Variants in PTPRK observed in about 807,000 individuals in gnomAD.
PTPRK encodes the protein receptor-type tyrosine-protein phosphatase kappa.
Under a neutral mutation model 178.0 loss-of-function variants are expected in PTPRK, and 75 were observed. The ratio of observed to expected loss-of-function variants is 0.42; its 90% CI spans 0.35 to 0.51. PTPRK has a LOEUF of 0.51. Among genes scored for constraint, PTPRK ranks in the 20% least tolerant of loss-of-function variants. PTPRK has a pLI of 0.02. For synonymous variants in PTPRK, 637 were observed against 620.6 expected, an observed-to-expected ratio of 1.03 and a Z score of -0.39; for missense variants, 1,441 against 1,797.8, an observed-to-expected ratio of 0.80 and a Z score of 3.59.
intron 13 of PTPRK, among the ~76,000 whole-genome samples, chr6:128,047,986 T>A (rs919291431): frequency 6.6e-6 from 1 of 152,148 alleles, no homozygotes; most frequent in Non-Finnish European, 1.5e-5. Context: ...GATAAAACAA[T>A]GCCCCTAGGT....
At position 128,064,737 on chromosome 6, in the gene PTPRK, C is replaced by CA. The variant is rs752427078; in HGVS notation, c.2194+20dup. ...AGGGGGTGAGAGTAGTTAAAACAAG[C>CA]AAAAAAAGCAAACCTCTTACCTTTT... On this transcript the variant is annotated intron_variant, in intron 13 of 29. Coordinates refer to ENST00000368226, the MANE Select transcript of PTPRK (RefSeq NM_002844.4). The CA allele has an allele frequency of 7.6e-6, 12 of 1,575,036 alleles. No individual in the cohort carries two copies. In the African/African-American group the frequency reaches 9.7e-5, roughly 13 times the overall value.
intron 6 of PTPRK, among the ~76,000 whole-genome samples, chr6:128,195,879 G>A (rs1181379764): frequency 1.3e-5 from 2 of 151,996 alleles, no homozygotes; most frequent in Non-Finnish European, 2.9e-5. Flanking sequence ...TTTATTCAGG[G>A]ACATCAAATG....
chr6:128,322,186 T>C lies in PTPRK; in HGVS notation c.348A>G (p.Lys116=), dbSNP rs775665092. 4 of 1,613,840 alleles carry C rather than the reference T, an allele frequency of 2.5e-6. No individual in the cohort carries two copies. Among genetic ancestry groups the C allele is most frequent in the East Asian group, 2.2e-5 (1 of 44,884 alleles). Residue 116 remains lysine (K), a synonymous_variant, in exon 3 of 30, where the codon AAA becomes AAG. Transcript: ENST00000368226. ...IDFSYLLYSQ[K]GLNPGTLNIL... ...TGTTCAAAGTGCCAGGATTCAGTCC[T>C]TTCTGGCTATATAATAGGTAACTGA...
At chr6:128,515,779 C>G (rs1274945628) in intron 1 of PTPRK, among the ~76,000 whole-genome samples, 1 of 152,186 alleles carries the variant, frequency 6.6e-6, no homozygotes, top group Non-Finnish European at 1.5e-5. Flanking sequence ...GCTTCCTGCT[C>G]TCAATCTTCC....
chr6:128,345,052 G>A (rs1260538490), intron 2 of PTPRK, among the ~76,000 whole-genome samples: 1 of 136,432 alleles, frequency 7.3e-6, no homozygotes, highest in Non-Finnish European at 1.6e-5. Flanking sequence ...TTTTTTTTTT[G>A]GTGGAGATGC....
chr6:128,067,236 C>A (rs970115385), intron 12 of PTPRK, among the ~76,000 whole-genome samples: 1 of 152,098 alleles, frequency 6.6e-6, no homozygotes, highest in Non-Finnish European at 1.5e-5. Context: ...AGCACACCCA[C>A]GTTTTCAAAT....
chr6:128,029,683 T>TC (rs1562462982), intron 13 of PTPRK, among the ~76,000 whole-genome samples: 35 of 145,958 alleles, frequency 2.4e-4, no homozygotes, highest in Admixed American at 7.0e-4. Flanking sequence ...ATAATAATAA[T>TC]AATAATCCAG....
Position 127,990,752 on chromosome 6 carries a change from A to G in PTPRK, c.3096+17T>C. ...GTTTTGATATCACTTTTTAAAATAG[A>G]ATTTTAGAGTACTTACCCTTTCCAG... On this transcript the variant is annotated intron_variant, in intron 21 of 29. Transcript: ENST00000368226. The G allele has an allele frequency of 6.6e-7, 1 of 1,507,118 alleles. No homozygotes were observed. The allele number at this position is 1,507,118 out of a possible 1,614,324, so 93.4% of individuals were successfully genotyped here.
chr6:128,434,673 G>A (rs1845276573), intron 1 of PTPRK, among the ~76,000 whole-genome samples: 1 of 152,130 alleles, frequency 6.6e-6, no homozygotes, highest in Admixed American at 6.5e-5. Context: ...TAAAGTACTG[G>A]AATCTTTTTT....
chr6:128,067,208 G>A (rs1179381414), intron 12 of PTPRK, among the ~76,000 whole-genome samples: 1 of 152,236 alleles, frequency 6.6e-6, no homozygotes, highest in Non-Finnish European at 1.5e-5. Flanking sequence ...TCGTTACTGA[G>A]GGTGGAGTCC....
chr6:128,292,550 C>T (rs1468841012), intron 3 of PTPRK, among the ~76,000 whole-genome samples: 3 of 152,032 alleles, frequency 2.0e-5, no homozygotes, highest in South Asian at 2.1e-4. Flanking sequence ...TTTCCCCAGG[C>T]ATCAGACACA....
chr6:128,111,955 T>A (rs1184336664), intron 7 of PTPRK, among the ~76,000 whole-genome samples: 1 of 152,122 alleles, frequency 6.6e-6, no homozygotes, highest in African/African-American at 2.4e-5. Flanking sequence ...TATGATTGAA[T>A]GAATGCTTAA....
At chr6:128,395,855 G>A (rs191281293) in intron 2 of PTPRK, among the ~76,000 whole-genome samples, 12 of 152,130 alleles carry the variant, frequency 7.9e-5, no homozygotes, top group East Asian at 1.9e-4. Flanking sequence ...ACTCAATCAC[G>A]GAGAGTGACA....
chr6:128,249,295 A>AT (rs1554372271), intron 3 of PTPRK, among the ~76,000 whole-genome samples: 40 of 142,766 alleles, frequency 2.8e-4, no homozygotes, highest in African/African-American at 1.1e-3. Context: ...ATGTGGTGTG[A>AT]TTTAAAAAAA....
chr6:128,140,793 C>T (rs1330254392), intron 7 of PTPRK, among the ~76,000 whole-genome samples: 1 of 151,902 alleles, frequency 6.6e-6, no homozygotes, highest in Non-Finnish European at 1.5e-5. Context: ...TAAATTCACA[C>T]AAAGGCTTAG....
rs1355091355 is a variant in PTPRK, at chr6:128,242,710, A to G, written c.496-108T>C. On this transcript the variant is annotated intron_variant, in intron 3 of 29. Coordinates refer to ENST00000368226, the MANE Select transcript of PTPRK (RefSeq NM_002844.4). The stretch of plus-strand genomic sequence containing the variant: ...AAAGTAAATCTAATTTTTGTTCAGT[A>G]AGAATTAAAAATTTAACCTTATAAT... 3.5e-6 allele frequency: 5 copies of G among 1,428,268 alleles called. No homozygotes were observed. In the East Asian group the frequency reaches 1.3e-4, roughly 37 times the overall value. 88.5% of individuals were successfully genotyped at this position (1,428,268 alleles called of 1,614,324 possible). A position where few individuals can be genotyped will look rare whatever the true frequency, so the allele number is the denominator to read the frequency against.
intron 1 of PTPRK, among the ~76,000 whole-genome samples, chr6:128,453,063 T>A (rs1847982864): frequency 6.6e-6 from 1 of 152,168 alleles, no homozygotes; most frequent in Non-Finnish European, 1.5e-5. Flanking sequence ...GGTATGTAAA[T>A]AACATTGTGA....
chr6:128,348,058 G>T (rs1261161548), intron 2 of PTPRK, among the ~76,000 whole-genome samples: 1 of 151,960 alleles, frequency 6.6e-6, no homozygotes, highest in African/African-American at 2.4e-5. Context: ...ATCATCTATT[G>T]TAGCTTTGAC....
chr6:128,435,046 CAGGAAGGA>C (rs759976402), intron 1 of PTPRK, among the ~76,000 whole-genome samples: 6,815 of 71,918 alleles, frequency 0.095, 318 homozygotes, highest in East Asian at 0.15. Flanking sequence ...GGCAGGAAGG[CAGGAAGGA>C]AGGAAGGAAG....
Sources: allele counts gnomAD v4.1 joint callset (sites outside exome capture counted in the v4.1 genomes callset), GRCh38; gene constraint gnomAD v4.1.1; transcripts MANE v1.5; gene names NCBI Gene and HGNC (gene_info 2026-07-23, HGNC 2026-07-21).